The following COL15A1 variants were observed in gnomAD, a reference collection of about 807,000 sequenced individuals.
COL15A1 encodes the protein collagen type XV alpha 1 chain.
Under a neutral mutation model 165.9 loss-of-function variants are expected in COL15A1, and 111 were observed. The ratio of observed to expected loss-of-function variants is 0.67; its 90% CI spans 0.57 to 0.78. The LOEUF (loss-of-function observed/expected upper bound fraction) is 0.78, where lower values mean the gene tolerates loss of function less well. Ranked by LOEUF, COL15A1 falls within the 30% of genes least tolerant of loss-of-function variation. COL15A1 has a pLI of 0.00. For missense variants in COL15A1, 1,745 were observed against 1,789.7 expected, an observed-to-expected ratio of 0.98 and a Z score of 0.45; for synonymous variants, 659 against 674.8, an observed-to-expected ratio of 0.98 and a Z score of 0.36.
rs777692272 is a variant in COL15A1, at chr9:98,944,067, A to G, written c.6A>G (p.Ala2=). 6.2e-7 allele frequency: 1 copy of G among 1,614,116 alleles called. No individual in the cohort carries two copies. M[A]PRRNNGQCWC... is the part of the protein sequence containing the mutation. The stretch of plus-strand genomic sequence containing the variant: ...GGGCTCCGCAGACCCGCGAGATGGC[A>G]CCAAGGTAAGACCCGCTTCTCTGCT... The change falls in exon 1 of 42, where the codon GCA becomes GCG. Residue 2 remains alanine, a synonymous_variant. Coordinates refer to ENST00000375001, the MANE Select transcript of COL15A1 (RefSeq NM_001855.5).
At chr9:99,042,897 G>C (rs538480402) in intron 24 of COL15A1, among the ~76,000 whole-genome samples, 1 of 152,234 alleles carries the variant, frequency 6.6e-6, no homozygotes, top group East Asian at 1.9e-4. Context: ...ATATTCACTC[G>C]TCCATGTATA....
At chr9:99,064,127 A>G (rs1037195726) in intron 39 of COL15A1, among the ~76,000 whole-genome samples, 1 of 152,082 alleles carries the variant, frequency 6.6e-6, no homozygotes, top group Non-Finnish European at 1.5e-5. Context: ...AAACACATAT[A>G]TAGGTGACAT....
chr9:98,974,561 G>A (rs759058330), intron 2 of COL15A1, among the ~76,000 whole-genome samples: 6 of 152,340 alleles, frequency 3.9e-5, no homozygotes, highest in Admixed American at 6.5e-5. Context: ...TGCAGGCGCA[G>A]AGGAGGGGGA....
intron 16 of COL15A1, among the ~76,000 whole-genome samples, chr9:99,031,138 A>G (rs1226198647): frequency 6.6e-6 from 1 of 152,106 alleles, no homozygotes; most frequent in African/African-American, 2.4e-5. Context: ...CCAACTTTCC[A>G]TGAAGCTGCC....
intron 9 of COL15A1, among the ~76,000 whole-genome samples, chr9:99,009,175 A>G (rs1838808881): frequency 6.7e-6 from 1 of 149,636 alleles, no homozygotes; most frequent in African/African-American, 2.4e-5. Context: ...TATGCCGATT[A>G]TAAAACCACC....
At chr9:99,028,299 A>C (rs1839162135) in intron 16 of COL15A1, among the ~76,000 whole-genome samples, 1 of 152,202 alleles carries the variant, frequency 6.6e-6, no homozygotes. Flanking sequence ...CATGATGCTC[A>C]TTAAGAATTC....
At chr9:99,025,045 C>T (rs1839099863) in intron 15 of COL15A1, 46 bp downstream of exon 15, 2 of 1,590,720 alleles carry the variant, frequency 1.3e-6, no homozygotes, top group African/African-American at 1.3e-5. Flanking sequence ...TGTGGGGCTT[C>T]CTTTAGCAGG....
chr9:99,040,488 A>G lies in COL15A1; in HGVS notation c.2476-33A>G. 2.5e-6 allele frequency: 4 copies of G among 1,614,018 alleles called. No homozygotes were observed. In the South Asian group the frequency reaches 4.4e-5, roughly 18 times the overall value. On this transcript the variant is annotated intron_variant, in intron 22 of 41. Transcript: ENST00000375001. ...TGCTGACTCTGGAAATGCCGCTCCT[A>G]ATCCAGCGTGCTCTATCTTTGGTGT... is the stretch of plus-strand genomic sequence containing the variant.
At chr9:98,973,351 C>T (rs1377076938) in intron 2 of COL15A1, among the ~76,000 whole-genome samples, 3 of 152,060 alleles carry the variant, frequency 2.0e-5, no homozygotes, top group South Asian at 2.1e-4. Flanking sequence ...GAGAAGGAGG[C>T]GTTCTAAGTT....
At chr9:98,964,057 A>C (rs914352301) in intron 2 of COL15A1, among the ~76,000 whole-genome samples, 3 of 152,256 alleles carry the variant, frequency 2.0e-5, no homozygotes, top group African/African-American at 7.2e-5. Context: ...CAGAGAAGTT[A>C]AAGAACATGC....
At position 99,052,378 on chromosome 9, in the gene COL15A1, C is replaced by G; in HGVS notation, c.2905-10C>G. On this transcript the variant is annotated splice_polypyrimidine_tract_variant and intron_variant, in intron 30 of 41. Transcript: ENST00000375001. Reference sequence around the variant, plus strand: ...TTGCAGTGCCTAACCTGGCCTTCCTCTCTTTCCAGGTTGATACTGCTCATC... The same window carrying G: ...TTGCAGTGCCTAACCTGGCCTTCCTGTCTTTCCAGGTTGATACTGCTCATC... The G allele has an allele frequency of 1.2e-6, 2 of 1,609,808 alleles. No individual in the cohort carries two copies. Among genetic ancestry groups the G allele is most frequent in the South Asian group, 2.2e-5 (2 of 90,986 alleles).
In COL15A1 at chr9:99,069,983, T is replaced by TC. The variant is rs1554692749; in HGVS notation, c.*97_*98insC. ...GTTTAATTGTTGTAAATATTACAGT[T>TC]TTTTTTTTTTACTACATATTCTTTA... On this transcript the variant is annotated 3_prime_UTR_variant, in exon 42 of 42. Coordinates refer to ENST00000375001, the MANE Select transcript of COL15A1 (RefSeq NM_001855.5). 3 of 995,422 alleles carry TC rather than the reference T, an allele frequency of 3.0e-6. No individual in the cohort carries two copies. The highest frequency in any genetic ancestry group is 4.3e-6 in the Non-Finnish European group (3 of 693,512). The allele number at this position is 995,422 out of a possible 1,614,324, so 61.7% of individuals were successfully genotyped here.
chr9:98,945,921 T>G (rs1446361089), intron 2 of COL15A1, among the ~76,000 whole-genome samples: 2 of 152,182 alleles, frequency 1.3e-5, no homozygotes, highest in Non-Finnish European at 2.9e-5. Context: ...GTGTCAGGGC[T>G]GTTGTTTCTA....
intron 6 of COL15A1, chr9:98,997,776 T>G (rs1838573636): frequency 6.6e-6 from 1 of 152,280 alleles, no homozygotes; most frequent in Non-Finnish European, 1.5e-5. Context: ...AGCCCAGGCG[T>G]CAAACACTAT....
intron 41 of COL15A1, 71 bp from the exon 42 acceptor site, chr9:99,069,602 C>A: frequency 1.3e-6 from 2 of 1,559,732 alleles, no homozygotes; most frequent in South Asian, 2.4e-5. Flanking sequence ...AGACTTATGC[C>A]AATTTGCTTA....
intron 38 of COL15A1, 66 bp downstream of exon 38, chr9:99,062,370 T>C: frequency 8.6e-7 from 1 of 1,165,634 alleles, no homozygotes; most frequent in Non-Finnish European, 1.3e-6. Flanking sequence ...TCCTCCTTGG[T>C]ATCTAGCACC....
Position 98,985,861 on chromosome 9 carries a change from C to T in COL15A1, c.397C>T (p.Arg133Trp), listed in dbSNP as rs200391843. The change falls in exon 3 of 42, where the codon CGG (arginine) becomes TGG (tryptophan). Residue 133 changes from arginine (R) to tryptophan (W), a missense_variant. Coordinates refer to ENST00000375001, the MANE Select transcript of COL15A1 (RefSeq NM_001855.5). ...CTCAGGTGTGGAGGACGGCCACCAG[C>T]GGATCATCCTCTACTACACGGAGCC... ...RLSGVEDGHQ[R>W]IILYYTEPGS... is the part of the protein sequence containing the mutation. The T allele has an allele frequency of 1.2e-5, 20 of 1,613,728 alleles. No homozygotes were observed. In the Middle Eastern group the frequency reaches 4.9e-4, roughly 40 times the overall value.
At chr9:99,019,337 A>G (rs1440678912) in intron 11 of COL15A1, among the ~76,000 whole-genome samples, 2 of 151,964 alleles carry the variant, frequency 1.3e-5, no homozygotes, top group East Asian at 1.9e-4. Context: ...GGGATTACAG[A>G]CAGACATGTG....
At chr9:98,976,132 C>T (rs758679871) in intron 2 of COL15A1, among the ~76,000 whole-genome samples, 174 of 152,244 alleles carry the variant, frequency 1.1e-3, no homozygotes, top group Non-Finnish European at 1.7e-3. Flanking sequence ...CCAGGCTTAG[C>T]TCCATGTCTC....
Sources: gnomAD v4.1 joint callset for allele counts (sites outside exome capture counted in the v4.1 genomes callset) on GRCh38, gnomAD v4.1.1 for gene constraint, MANE v1.5 for transcripts, NCBI Gene and HGNC (gene_info 2026-07-23, HGNC 2026-07-21) for gene names.